Variants in FRAS1 observed in about 807,000 individuals in gnomAD.
The protein encoded by FRAS1 is Fraser extracellular matrix complex subunit 1.
FRAS1 carries 290 observed loss-of-function variants against 435.2 expected under a neutral mutation model. That is an observed-to-expected ratio of 0.67 (90% CI 0.61 to 0.73). The LOEUF (loss-of-function observed/expected upper bound fraction) is 0.73, where lower values mean the gene tolerates loss of function less well. Among genes scored for constraint, FRAS1 ranks in the 30% least tolerant of loss-of-function variants. FRAS1 has a pLI of 0.00. For missense variants in FRAS1, 4,860 were observed against 5,001.5 expected (o/e 0.97, Z 0.85); for synonymous variants, 1,800 against 1,851.0 (o/e 0.97, Z 0.71).
In FRAS1 at chr4:78,308,134, C is replaced by G; in HGVS notation, c.1603C>G (p.Leu535Val). 6.2e-7 allele frequency: 1 copy of G among 1,613,956 alleles called. No homozygotes were observed. The highest frequency in any genetic ancestry group is 8.5e-7 in the Non-Finnish European group (1 of 1,179,856). Reference sequence around the variant, plus strand: ...GCACTGCTTGGCCTGCAGAGATCCCCTCCACGTGCTGAGAGATGGCGGCTG... The same window carrying G: ...GCACTGCTTGGCCTGCAGAGATCCCGTCCACGTGCTGAGAGATGGCGGCTG... ...EKHCLACRDP[L>V]HVLRDGGCES... Residue 535 changes from leucine (L) to valine (V), a missense_variant, in exon 15 of 74, where the codon CTC becomes GTC. Transcript: ENST00000512123.
At chr4:78,407,131 G>A (rs1293981900) in intron 30 of FRAS1, among the ~76,000 whole-genome samples, 16 of 152,162 alleles carry the variant, frequency 1.1e-4, no homozygotes, top group Admixed American at 1.0e-3. Flanking sequence ...TTCAAAAATA[G>A]AAATCTGAAA....
At chr4:78,446,915 T>G (rs1473775791) in intron 43 of FRAS1, 35 bp downstream of exon 43, 3 of 1,575,566 alleles carry the variant, frequency 1.9e-6, no homozygotes, top group Admixed American at 1.8e-5. Context: ...GCTTCTTAAT[T>G]GAGATGCCCG....
chr4:78,176,838 T>G (rs994314676), intron 2 of FRAS1, among the ~76,000 whole-genome samples: 6 of 152,248 alleles, frequency 3.9e-5, no homozygotes, highest in African/African-American at 1.4e-4. Context: ...CCTTGTAGCA[T>G]GTCAAGAAAG....
At chr4:78,427,572 T>A (rs1460569711) in intron 35 of FRAS1, among the ~76,000 whole-genome samples, 1 of 152,240 alleles carries the variant, frequency 6.6e-6, no homozygotes, top group Non-Finnish European at 1.5e-5. Context: ...TGTATGCTTG[T>A]CACCAAATCC....
At chr4:78,248,068 C>T (rs138772829) in intron 4 of FRAS1, among the ~76,000 whole-genome samples, 1,952 of 152,254 alleles carry the variant, frequency 0.013, 28 homozygotes, top group Middle Eastern at 0.02. Flanking sequence ...GCAGAGGTGG[C>T]AGCGTCTTAT....
At chr4:78,427,081 G>A (rs1220206623) in intron 35 of FRAS1, among the ~76,000 whole-genome samples, 1 of 152,172 alleles carries the variant, frequency 6.6e-6, no homozygotes, top group East Asian at 1.9e-4. Flanking sequence ...CAATGTGGCA[G>A]TATTGAGAGG....
intron 23 of FRAS1, 97 bp downstream of exon 23, chr4:78,370,081 C>G: frequency 8.4e-7 from 1 of 1,195,216 alleles, no homozygotes; most frequent in Non-Finnish European, 1.2e-6. Flanking sequence ...CACCAGTCAT[C>G]ATATATTTTG....
At chr4:78,429,055 T>C (rs1226159243) in intron 35 of FRAS1, 40 bp from the exon 36 acceptor site, 3 of 1,543,756 alleles carry the variant, frequency 1.9e-6, no homozygotes, top group Non-Finnish European at 2.6e-6. Context: ...TCTGTGTGTG[T>C]GTGTGTGTCT....
intron 50 of FRAS1, among the ~76,000 whole-genome samples, chr4:78,469,031 C>T (rs1376313265): frequency 4.1e-4 from 63 of 152,200 alleles, no homozygotes; most frequent in Non-Finnish European, 2.9e-5. Context: ...GTCTGCACAG[C>T]ATCACCACCT....
At chr4:78,141,049 C>T (rs950569229) in intron 2 of FRAS1, among the ~76,000 whole-genome samples, 4 of 152,014 alleles carry the variant, frequency 2.6e-5, no homozygotes, top group Non-Finnish European at 1.5e-5. Context: ...TGGCTTATTA[C>T]TTCTTTTTTA....
intron 36 of FRAS1, among the ~76,000 whole-genome samples, chr4:78,429,478 T>G (rs1212900942): frequency 1.3e-5 from 2 of 152,162 alleles, no homozygotes; most frequent in Non-Finnish European, 2.9e-5. Context: ...GAGTTTGCTT[T>G]GATGCCATCA....
intron 4 of FRAS1, among the ~76,000 whole-genome samples, chr4:78,247,126 C>T (rs1226657488): frequency 1.3e-5 from 2 of 152,088 alleles, no homozygotes; most frequent in African/African-American, 2.4e-5. Context: ...CACAGATCTG[C>T]CTTGGGTTAG....
At chr4:78,443,089 C>T (rs929453820) in intron 41 of FRAS1, among the ~76,000 whole-genome samples, 2 of 152,192 alleles carry the variant, frequency 1.3e-5, no homozygotes, top group African/African-American at 4.8e-5. Flanking sequence ...TGGCTCAAGC[C>T]TGTCATTTCA....
chr4:78,479,483 G>T lies in FRAS1; in HGVS notation c.8208G>T (p.Met2736Ile). The T allele has an allele frequency of 6.2e-7, 1 of 1,611,920 alleles. No individual in the cohort carries two copies. The highest frequency in any genetic ancestry group is 2.2e-5 in the East Asian group (1 of 44,836). Residue 2736 changes from methionine (M) to isoleucine (I), a missense_variant, in exon 56 of 74, where the codon ATG (methionine) becomes ATT (isoleucine). Physicochemically the swap from Met to Ile is conservative, Grantham distance 10. Coordinates refer to ENST00000512123, the MANE Select transcript of FRAS1 (RefSeq NM_025074.7). ...ESGSDFKSRG[M>I]SAASRVIFGP... is the part of the protein sequence containing the mutation. ...GCTCTGATTTTAAATCTAGAGGGAT[G>T]TCTGCCGCGAGTCGTGTGATATTCG...
chr4:78,128,438 C>T (rs375726496), intron 2 of FRAS1, among the ~76,000 whole-genome samples: 13 of 152,220 alleles, frequency 8.5e-5, no homozygotes, highest in Admixed American at 3.3e-4. Context: ...TTTTAATGAT[C>T]GCCATTCTAA....
Position 78,539,454 on chromosome 4 carries a change from GA to G in FRAS1, c.11445+16del. ...GCACTCTATAAGGTGAGTTTGGTGAGAAGAACAGAAGCTTAAGACCAAGTCT... is the reference window on the plus strand; with the variant it reads ...GCACTCTATAAGGTGAGTTTGGTGAGAGAACAGAAGCTTAAGACCAAGTCT... On this transcript the variant is annotated intron_variant, in intron 73 of 73. Coordinates refer to ENST00000512123, the MANE Select transcript of FRAS1 (RefSeq NM_025074.7). 1 of 1,530,598 alleles carries G rather than the reference GA, an allele frequency of 6.5e-7. No homozygotes were observed. The highest frequency in any genetic ancestry group is 2.5e-5 in the East Asian group (1 of 40,240). The allele number at this position is 1,530,598 out of a possible 1,614,324, so 94.8% of individuals were successfully genotyped here. A position where few individuals can be genotyped will look rare whatever the true frequency, so the allele number is the denominator to read the frequency against.
chr4:78,509,345 C>T (rs1211025947), intron 63 of FRAS1, among the ~76,000 whole-genome samples: 1 of 152,104 alleles, frequency 6.6e-6, no homozygotes, highest in Non-Finnish European at 1.5e-5. Context: ...AAAAATGTGA[C>T]CTATAAATGA....
chr4:78,293,294 ATGG>A (rs1310442635), intron 14 of FRAS1, among the ~76,000 whole-genome samples: 1 of 152,222 alleles, frequency 6.6e-6, no homozygotes, highest in East Asian at 1.9e-4. Context: ...TGAATTTCAC[ATGG>A]TGCTAAGTAT....
chr4:78,116,992 T>C (rs1188172663), intron 2 of FRAS1, among the ~76,000 whole-genome samples: 2 of 152,248 alleles, frequency 1.3e-5, no homozygotes, highest in Admixed American at 1.3e-4. Flanking sequence ...CCATGTTTAG[T>C]GCTTCCTTCA....
Sources: allele counts gnomAD v4.1 joint callset (sites outside exome capture counted in the v4.1 genomes callset), GRCh38; gene constraint gnomAD v4.1.1; transcripts MANE v1.5; gene names NCBI Gene and HGNC (gene_info 2026-07-23, HGNC 2026-07-21).